The following ZNF609 variants were observed in gnomAD, a reference collection of about 807,000 sequenced individuals.
ZNF609 encodes zinc finger protein 609.
ZNF609 carries 11 observed loss-of-function variants against 109.5 expected under a neutral mutation model. The ratio of observed to expected loss-of-function variants is 0.10; its 90% confidence interval spans 0.06 to 0.17. The LOEUF is 0.17. Ranked by LOEUF, ZNF609 falls within the 10% of genes least tolerant of loss-of-function variation. The pLI is 1.00. For missense variants in ZNF609, 1,559 were observed against 1,772.4 expected (o/e 0.88, Z 2.16); for synonymous variants, 646 against 662.0 (o/e 0.98, Z 0.37).
intron 3 of ZNF609, chr15:64,654,408 A>G (rs1896460672): frequency 6.6e-6 from 1 of 152,160 alleles, no homozygotes. Flanking sequence ...ATATGGTAAG[A>G]TATCGTTCAC....
chr15:64,614,308 G>T (rs1895765097), intron 2 of ZNF609, among the ~76,000 whole-genome samples: 1 of 151,136 alleles, frequency 6.6e-6, no homozygotes, highest in Non-Finnish European at 1.5e-5. Flanking sequence ...TTGGCTCACT[G>T]CAAGCTCCGC....
chr15:64,670,324 T>C, intron 3 of ZNF609, 22 bp from the exon 4 acceptor site: 1 of 1,601,024 alleles, frequency 6.2e-7, no homozygotes, highest in Non-Finnish European at 8.6e-7. Context: ...CTTGTCTATA[T>C]CTATGTGCTC....
intron 3 of ZNF609, among the ~76,000 whole-genome samples, chr15:64,659,142 C>G (rs756809588): frequency 2.6e-5 from 4 of 152,116 alleles, no homozygotes; most frequent in African/African-American, 4.8e-5. Flanking sequence ...GGCACCTGAA[C>G]TGAGATCCTC....
intron 2 of ZNF609, among the ~76,000 whole-genome samples, chr15:64,595,960 A>G (rs1895389997): frequency 6.6e-6 from 1 of 152,156 alleles, no homozygotes; most frequent in Admixed American, 6.6e-5. Flanking sequence ...GGCTGTCCAT[A>G]GTATCTTCAT....
exon 10 of ZNF609, chr15:64,686,054 GTCCCTGTTCTTAAATTTAGAC>G (rs1314367170): frequency 6.6e-6 from 1 of 151,866 alleles, no homozygotes; most frequent in African/African-American, 2.4e-5. Flanking sequence ...AGTTTTTAAT[GTCCCTGTTCTTAAATTTAGAC>G]TTAGTTTGCC....
chr15:64,488,815 G>A (rs565041949), intron 1 of ZNF609, among the ~76,000 whole-genome samples: 1 of 152,146 alleles, frequency 6.6e-6, no homozygotes, highest in African/African-American at 2.4e-5. Flanking sequence ...TAGGCGTGAT[G>A]TAATTCCAGC....
intron 2 of ZNF609, among the ~76,000 whole-genome samples, chr15:64,521,219 G>C (rs1893886430): frequency 1.3e-5 from 2 of 152,196 alleles, no homozygotes; most frequent in African/African-American, 4.8e-5. Flanking sequence ...TCCTGTAAAG[G>C]GAAGGCAGAC....
intron 3 of ZNF609, among the ~76,000 whole-genome samples, chr15:64,655,292 A>T (rs1374333216): frequency 6.6e-6 from 1 of 151,038 alleles, no homozygotes; most frequent in Non-Finnish European, 1.5e-5. Flanking sequence ...AAAAATACAA[A>T]ATTAGCCGGC....
rs758413589 is a variant in ZNF609, at chr15:64,641,234, T to TTTTTTTTTTTTTG, written c.973+18182_973+18183insTTTTTTTTTTTTG. ...CTTGTGCTTTCTTTTTTTTTTTTTT[T>TTTTTTTTTTTTTG]GAGATGGAGTTTCGCTCTTGCTGCC... On this transcript the variant is annotated intron_variant, in intron 3 of 9. Coordinates refer to ENST00000326648, the MANE Select transcript of ZNF609 (RefSeq NM_015042.2). Among the ~76,000 whole-genome samples the TTTTTTTTTTTTTG allele has an allele frequency of 2.5e-4, 35 of 140,816 alleles. 3 individuals carry two copies. Among genetic ancestry groups the TTTTTTTTTTTTTG allele is most frequent in the South Asian group, 6.7e-4 (3 of 4,484 alleles). The allele number at this position is 140,816 out of a possible 152,430, so 92.4% of individuals were successfully genotyped here. A position where few individuals can be genotyped will look rare whatever the true frequency, so the allele number is the denominator to read the frequency against.
chr15:64,578,727 G>A (rs992155289), intron 2 of ZNF609, among the ~76,000 whole-genome samples: 1 of 152,228 alleles, frequency 6.6e-6, no homozygotes, highest in African/African-American at 2.4e-5. Context: ...GACCAGACAT[G>A]GTGGCTCAGG....
chr15:64,660,994 C>T (rs1896566978), intron 3 of ZNF609, among the ~76,000 whole-genome samples: 1 of 152,018 alleles, frequency 6.6e-6, no homozygotes, highest in South Asian at 2.1e-4. Flanking sequence ...GTTTCACTCC[C>T]GTCACCCAGG....
intron 1 of ZNF609, among the ~76,000 whole-genome samples, chr15:64,464,796 G>A (rs1007369683): frequency 6.6e-6 from 1 of 152,152 alleles, no homozygotes; most frequent in Non-Finnish European, 1.5e-5. Context: ...TGCCTAGCTG[G>A]GCATGTGGAA....
chr15:64,555,933 A>T (rs1352189750), intron 2 of ZNF609, among the ~76,000 whole-genome samples: 1 of 151,190 alleles, frequency 6.6e-6, no homozygotes, highest in East Asian at 1.9e-4. Context: ...GATTCAGTGA[A>T]GTATAGAAAA....
chr15:64,637,745 T>C (rs1252666897), intron 3 of ZNF609, among the ~76,000 whole-genome samples: 2 of 152,066 alleles, frequency 1.3e-5, no homozygotes, highest in Admixed American at 1.3e-4. Context: ...GTCTTTTTCT[T>C]ATTGATTTGT....
At chr15:64,555,069 C>A (rs561530133) in intron 2 of ZNF609, among the ~76,000 whole-genome samples, 1 of 149,124 alleles carries the variant, frequency 6.7e-6, no homozygotes, top group South Asian at 2.1e-4. Flanking sequence ...GCACTCCAAC[C>A]TGAGCAACAG....
intron 2 of ZNF609, among the ~76,000 whole-genome samples, chr15:64,518,936 A>G (rs1470884224): frequency 1.3e-5 from 2 of 152,084 alleles, no homozygotes; most frequent in African/African-American, 4.8e-5. Context: ...GCTGGGGATA[A>G]TGTAAGCAAA....
chr15:64,476,547 C>T (rs888542970), intron 1 of ZNF609, among the ~76,000 whole-genome samples: 1 of 152,122 alleles, frequency 6.6e-6, no homozygotes, highest in African/African-American at 2.4e-5. Context: ...AGTGGATTCT[C>T]TTCTGCCCAG....
chr15:64,490,090 CTG>C (rs1409463492), intron 1 of ZNF609, among the ~76,000 whole-genome samples: 1 of 152,132 alleles, frequency 6.6e-6, no homozygotes. Flanking sequence ...TACCAAGTAA[CTG>C]AGACTACAGG....
chr15:64,553,082 G>A (rs1894511113), intron 2 of ZNF609, among the ~76,000 whole-genome samples: 1 of 152,146 alleles, frequency 6.6e-6, no homozygotes, highest in Non-Finnish European at 1.5e-5. Flanking sequence ...TCATAGATGT[G>A]TGGTTCTATT....
Sources: gnomAD v4.1 joint callset for allele counts (sites outside exome capture counted in the v4.1 genomes callset) on GRCh38, gnomAD v4.1.1 for gene constraint, MANE v1.5 for transcripts, NCBI Gene and HGNC (gene_info 2026-07-23, HGNC 2026-07-21) for gene names.